Variants in MCF2L observed in about 807,000 individuals in gnomAD.
The protein encoded by MCF2L is MCF.2 cell line derived transforming sequence like, also known as guanine nucleotide exchange factor DBS.
Under a neutral mutation model 153.4 loss-of-function variants are expected in MCF2L, and 97 were observed. The ratio of observed to expected loss-of-function variants is 0.63; its 90% CI spans 0.54 to 0.75. The LOEUF is 0.75. MCF2L is among the 30% of genes least tolerant of loss of function. MCF2L has a pLI of 0.00. For synonymous variants in MCF2L, 659 were observed against 632.2 expected (o/e 1.04, Z -0.64); for missense variants, 1,347 against 1,495.2 (o/e 0.90, Z 1.64).
chr13:113,025,873 T>A (rs369547040), intron 3 of MCF2L, among the ~76,000 whole-genome samples: 1,325 of 31,922 alleles, frequency 0.042, 54 homozygotes, highest in South Asian at 0.1. Flanking sequence ...TGACTGTGGG[T>A]CGGGGCAGAG....
At chr13:112,988,474 C>T (rs2082739945) in intron 1 of MCF2L, among the ~76,000 whole-genome samples, 1 of 152,170 alleles carries the variant, frequency 6.6e-6, no homozygotes, top group Admixed American at 6.5e-5. Flanking sequence ...TCTGTGCGGC[C>T]TGGAGGGACG....
chr13:113,082,371 G>GC (rs1193020156), intron 16 of MCF2L, 56 bp from the exon 17 acceptor site: 42 of 1,030,484 alleles, frequency 4.1e-5, no homozygotes, highest in East Asian at 4.8e-5. Context: ...TGGCCCACCT[G>GC]CCCCCCCACA....
chr13:113,033,496 C>A (rs2085928482), intron 3 of MCF2L, among the ~76,000 whole-genome samples: 1 of 152,134 alleles, frequency 6.6e-6, no homozygotes. Flanking sequence ...CTCACTTGGG[C>A]CTGTTCGCGG....
chr13:112,962,121 G>A (rs62635341), intron 2 of MCF2L, among the ~76,000 whole-genome samples: 1 of 20,230 alleles, frequency 4.9e-5, no homozygotes, highest in Non-Finnish European at 1.5e-4. Flanking sequence ...ACACGCACAT[G>A]CATGCACACA....
intron 1 of MCF2L, among the ~76,000 whole-genome samples, chr13:112,995,577 G>C (rs558954205): frequency 6.6e-6 from 1 of 152,288 alleles, no homozygotes; most frequent in East Asian, 1.9e-4. Flanking sequence ...GTGAGCCTGC[G>C]GCGTTGTGGC....
chr13:113,066,013 G>C, intron 7 of MCF2L, 33 bp from the exon 8 acceptor site: 1 of 1,606,110 alleles, frequency 6.2e-7, no homozygotes, highest in Non-Finnish European at 8.5e-7. Flanking sequence ...TGCCTGGACG[G>C]GGCCGGGACA....
intron 23 of MCF2L, 57 bp from the exon 24 acceptor site, chr13:113,088,270 G>A (rs2034831355): frequency 7.2e-7 from 1 of 1,385,132 alleles, no homozygotes; most frequent in Non-Finnish European, 1.0e-6. Context: ...TGAAACCAAA[G>A]CGTGTTTCCT....
rs548676865 is a variant in MCF2L at position 113,070,640 on chromosome 13, G to A, written c.996+467G>A. Among the ~76,000 whole-genome samples the A allele has an allele frequency of 3.5e-3, 479 of 136,306 alleles. 3 individuals are homozygous for A. The highest frequency in any genetic ancestry group is 0.013 in the African/African-American group (448 of 33,324). 89.4% of individuals were successfully genotyped at this position (136,306 alleles called of 152,430 possible). ...TCACCCATGTCCCTCCTCAGCCCCCGGCAACCACTCATCTGTTTCCGTGGC... is the reference window on the plus strand; with the variant it reads ...TCACCCATGTCCCTCCTCAGCCCCCAGCAACCACTCATCTGTTTCCGTGGC... On this transcript the variant is annotated intron_variant, in intron 9 of 29. Transcript: ENST00000535094. The surrounding 1 kb of genome is among the most constrained non-coding windows in gnomAD (Gnocchi z 5.6).
rs781363034 is a variant in MCF2L, at chr13:113,060,726, G to A, written c.489+14G>A. On this transcript the variant is annotated intron_variant, in intron 5 of 29. Coordinates refer to ENST00000535094, the MANE Select transcript of MCF2L (RefSeq NM_001112732.3). ...ATGAAGGTGCCGGTAAGTGCGCCCC[G>A]CCTCCATCCTGCGGTAGCAGAACGG... The A allele has an allele frequency of 5.6e-6, 9 of 1,611,458 alleles. No homozygotes were observed. Among genetic ancestry groups the A allele is most frequent in the African/African-American group, 5.3e-5 (4 of 75,034 alleles).
Position 112,969,285 on chromosome 13 carries a change from C to G in MCF2L, c.-95C>G. ...GCTGCCGTGGCCCCCTCCCCGCCTC[C>G]GCCGCGCCCCCTCCGCACTCGCACG... On this transcript the variant is annotated 5_prime_UTR_variant, in exon 1 of 30. Transcript: ENST00000535094. This position sits in a 1 kb window ranked among gnomAD's most constrained non-coding sequence, Gnocchi z 4.8. The G allele has an allele frequency of 1.1e-5, 16 of 1,508,810 alleles. No individual in the cohort carries two copies. The highest frequency in any genetic ancestry group is 1.4e-5 in the Non-Finnish European group (16 of 1,121,928). The allele number at this position is 1,508,810 out of a possible 1,614,324, so 93.5% of individuals were successfully genotyped here. A position where few individuals can be genotyped will look rare whatever the true frequency, so the allele number is the denominator to read the frequency against.
At chr13:113,082,215 G>C (rs1341710328) in intron 16 of MCF2L, among the ~76,000 whole-genome samples, 1 of 152,234 alleles carries the variant, frequency 6.6e-6, no homozygotes, top group Non-Finnish European at 1.5e-5. Flanking sequence ...GGTTAAAAGG[G>C]AGAAGGGTAG....
intron 27 of MCF2L, 58 bp downstream of exon 27, chr13:113,094,693 G>T: frequency 6.4e-7 from 1 of 1,565,070 alleles, no homozygotes. Context: ...GGGATTAGGG[G>T]TGCTTCTGGC....
chr13:113,057,798 T>A, intron 4 of MCF2L, among the ~76,000 whole-genome samples: 1 of 142,292 alleles, frequency 7.0e-6, no homozygotes, highest in Non-Finnish European at 1.5e-5. Flanking sequence ...GTGTTTGCTG[T>A]GTGTTTGGGT....
intron 1 of MCF2L, among the ~76,000 whole-genome samples, chr13:112,986,123 G>C (rs185036806): frequency 1.3e-5 from 2 of 151,968 alleles, no homozygotes; most frequent in Non-Finnish European, 2.9e-5. Flanking sequence ...ACAAGGGCTC[G>C]CCCCTTCACT....
rs779911619 is a variant in MCF2L at position 113,066,097 on chromosome 13, A to G, written c.808A>G (p.Arg270Gly). The change falls in exon 8 of 30, where the codon AGG (arginine) becomes GGG (glycine). Residue 270 changes from arginine (R) to glycine (G), a missense_variant. This residue lies in a region of MCF2L where 820 missense variants were observed against 921.2 expected (regional missense o/e 0.89). Coordinates refer to ENST00000535094, the MANE Select transcript of MCF2L (RefSeq NM_001112732.3). ...KEGHSVLESL[R>G]ELQAEGSEPS... ...GGGGCACAGTGTCCTGGAGAGCCTC[A>G]GGGAGCTGCAGGCTGAGGGCTCAGA... The G allele has an allele frequency of 5.0e-6, 8 of 1,613,186 alleles. No homozygotes were observed. The Admixed American group carries it at 1.2e-4, about 24-fold the overall frequency.
Position 112,912,995 on chromosome 13 carries a change from GTGTC to G in MCF2L, c.169+10628_169+10631del, listed in dbSNP as rs565142163. ...GTATGGGGTGTGTCTGTGTGATTGT[GTGTC>G]TGTGGTGTATCTCTGTGTCTGGGTG... On this transcript the variant is annotated intron_variant, in intron 2 of 29. Coordinates refer to the MCF2L transcript ENST00000375608. Among the ~76,000 whole-genome samples, 271 of 151,686 alleles carry G rather than the reference GTGTC, an allele frequency of 1.8e-3. 2 individuals are homozygous for G. The highest frequency in any genetic ancestry group is 1.5e-3 in the Non-Finnish European group (99 of 67,852).
chr13:112,901,457 A>G (rs2140494896), intron 1 of MCF2L, among the ~76,000 whole-genome samples: 1 of 152,294 alleles, frequency 6.6e-6, no homozygotes, highest in South Asian at 2.1e-4. Flanking sequence ...CGGTTTATTT[A>G]AGTAAACTGT....
chr13:113,066,576 G>A (rs1301066689), intron 8 of MCF2L, among the ~76,000 whole-genome samples: 7 of 152,204 alleles, frequency 4.6e-5, no homozygotes, highest in Non-Finnish European at 1.0e-4. Flanking sequence ...CTTTCATTGT[G>A]AAAGGTGTGA....
Position 113,078,376 on chromosome 13 carries a change from C to A in MCF2L, c.1674C>A (p.Gly558=), listed in dbSNP as rs139596233. ...TCTTCCCAACAGGCATTCGGCGAGG[C>A]TCTGAGAACTCCAGCTCCGAGGGCG... The part of the protein sequence containing the change: ...SPCPSPGIRR[G]SENSSSEGGA... Residue 558 remains glycine (G), a synonymous_variant, in exon 14 of 30, where the codon GGC becomes GGA. Transcript: ENST00000535094. 6.2e-6 allele frequency: 10 copies of A among 1,613,258 alleles called. No homozygotes were observed. The highest frequency in any genetic ancestry group is 8.5e-6 in the Non-Finnish European group (10 of 1,179,928).
Sources: allele counts gnomAD v4.1 joint callset (sites outside exome capture counted in the v4.1 genomes callset), GRCh38; gene constraint gnomAD v4.1.1; regional missense constraint gnomAD v4.1.1; non-coding constraint Gnocchi (gnomAD v3.1); transcripts MANE v1.5; gene names NCBI Gene and HGNC (gene_info 2026-07-23, HGNC 2026-07-21).